The following CAPZA1 variants were observed in gnomAD, a reference collection of about 807,000 sequenced individuals.
CAPZA1 encodes capping actin protein of muscle Z-line subunit alpha 1, also known as F-actin-capping protein subunit alpha-1.
Under a neutral mutation model 40.8 loss-of-function variants are expected in CAPZA1, and 10 were observed. The observed-to-expected ratio is 0.25, with a 90% confidence interval of 0.15 to 0.42. The LOEUF (loss-of-function observed/expected upper bound fraction) is 0.42. Among genes scored for constraint, CAPZA1 ranks in the 10% least tolerant of loss-of-function variants. The pLI is 1.00. For synonymous variants in CAPZA1, 98 were observed against 115.0 expected, an observed-to-expected ratio of 0.85 and a Z score of 0.95; for missense variants, 277 against 353.8, an observed-to-expected ratio of 0.78 and a Z score of 1.74.
intron 1 of CAPZA1, among the ~76,000 whole-genome samples, chr1:112,643,896 T>C (rs1215441697): frequency 6.6e-6 from 1 of 150,634 alleles, no homozygotes; most frequent in Non-Finnish European, 1.5e-5. Context: ...CCAAGCTGGA[T>C]TGCAGTGGCG....
chr1:112,669,901 T>G, intron 9 of CAPZA1, 91 bp from the exon 10 acceptor site: 1 of 1,400,182 alleles, frequency 7.1e-7, no homozygotes, highest in Non-Finnish European at 1.0e-6. Flanking sequence ...CACAGGGGAC[T>G]CAAGCATATC....
intron 5 of CAPZA1, among the ~76,000 whole-genome samples, chr1:112,657,591 A>G (rs183173902): frequency 9.1e-4 from 137 of 151,148 alleles, no homozygotes; most frequent in African/African-American, 3.1e-3. Context: ...AGCAACCCCT[A>G]ATTCTTTTTT....
intron 1 of CAPZA1, among the ~76,000 whole-genome samples, chr1:112,625,146 C>CA (rs1455433066): frequency 6.6e-6 from 1 of 152,054 alleles, no homozygotes; most frequent in Non-Finnish European, 1.5e-5. Context: ...AGAGTATGTC[C>CA]ACAGTTTGGG....
At chr1:112,644,648 T>A (rs888275255) in intron 1 of CAPZA1, among the ~76,000 whole-genome samples, 1 of 152,194 alleles carries the variant, frequency 6.6e-6, no homozygotes, top group African/African-American at 2.4e-5. Flanking sequence ...AGATATACCA[T>A]GTTCTTCTTT....
chr1:112,663,491 T>A (rs1249120057), intron 7 of CAPZA1, among the ~76,000 whole-genome samples: 2 of 152,092 alleles, frequency 1.3e-5, no homozygotes, highest in African/African-American at 2.4e-5. Context: ...CACCCTTCTT[T>A]TCCATTGGAT....
chr1:112,643,249 A>G (rs763274858), intron 1 of CAPZA1, among the ~76,000 whole-genome samples: 1 of 152,354 alleles, frequency 6.6e-6, no homozygotes, highest in African/African-American at 2.4e-5. Flanking sequence ...TATGTAGCAT[A>G]ATTTTCATGA....
chr1:112,660,391 C>G (rs1381998407), intron 7 of CAPZA1, among the ~76,000 whole-genome samples: 1 of 152,196 alleles, frequency 6.6e-6, no homozygotes, highest in Non-Finnish European at 1.5e-5. Flanking sequence ...GGTGATTCTC[C>G]TGCCTCGGCC....
Position 112,664,315 on chromosome 1 carries a change from T to G in CAPZA1, c.586-2759T>G, listed in dbSNP as rs1279854951. Among the ~76,000 whole-genome samples the G allele has an allele frequency of 2.6e-5, 4 of 152,134 alleles. No individual in the cohort carries two copies. The East Asian group carries it at 7.7e-4, about 29-fold the overall frequency. On this transcript the variant is annotated intron_variant, in intron 7 of 9. Coordinates refer to ENST00000263168, the MANE Select transcript of CAPZA1 (RefSeq NM_006135.3). The stretch of plus-strand genomic sequence containing the variant: ...TTCTTGTTATCCAGGAAAGTCTTTT[T>G]GTTGCAAATAGCTTTCTGCCTAGAT...
chr1:112,665,459 C>T (rs1230251320), intron 7 of CAPZA1, among the ~76,000 whole-genome samples: 2 of 152,104 alleles, frequency 1.3e-5, no homozygotes, highest in Non-Finnish European at 1.5e-5. Flanking sequence ...GGATTACAGG[C>T]ATAAACCACC....
chr1:112,624,086 A>C (rs1670748367), intron 1 of CAPZA1, among the ~76,000 whole-genome samples: 1 of 151,984 alleles, frequency 6.6e-6, no homozygotes, highest in Non-Finnish European at 1.5e-5. Flanking sequence ...GTGCAAACTC[A>C]CATGTCCAGT....
chr1:112,647,000 G>A (rs923796655), intron 1 of CAPZA1, among the ~76,000 whole-genome samples: 4 of 152,052 alleles, frequency 2.6e-5, no homozygotes, highest in East Asian at 1.9e-4. Context: ...ATCAAAACAC[G>A]TATATTCCCA....
chr1:112,667,031 C>A (rs1462092758), intron 7 of CAPZA1, 43 bp from the exon 8 acceptor site: 1 of 1,413,768 alleles, frequency 7.1e-7, no homozygotes, highest in South Asian at 1.2e-5. Context: ...ACAGGTTTCT[C>A]TATGAACTTC....
intron 7 of CAPZA1, among the ~76,000 whole-genome samples, chr1:112,660,708 G>A (rs1671589991): frequency 6.6e-6 from 1 of 152,154 alleles, no homozygotes; most frequent in East Asian, 1.9e-4. Context: ...TAAACTCAGG[G>A]TGATTTAATA....
intron 1 of CAPZA1, among the ~76,000 whole-genome samples, chr1:112,623,252 A>G (rs1670721603): frequency 6.6e-6 from 1 of 152,230 alleles, no homozygotes; most frequent in African/African-American, 2.4e-5. Context: ...TTACCATTGT[A>G]GGATAAAGCA....
intron 1 of CAPZA1, among the ~76,000 whole-genome samples, chr1:112,641,289 A>G (rs934680288): frequency 2.0e-5 from 3 of 152,116 alleles, no homozygotes; most frequent in African/African-American, 7.2e-5. Context: ...TAGTAACATT[A>G]TATTTCTTAT....
At chr1:112,642,369 G>A (rs1054713103) in intron 1 of CAPZA1, among the ~76,000 whole-genome samples, 14 of 151,372 alleles carry the variant, frequency 9.2e-5, no homozygotes, top group African/African-American at 2.4e-4. Flanking sequence ...GCCTGCCACC[G>A]TGCCTGGCTA....
rs1553180448 is a variant in CAPZA1 at position 112,656,466 on chromosome 1, T to TTTTTTTTTTTTTTTTTC, written c.426+1795_426+1796insTTTTTTTTTTTTTTTTC. 5.4e-4 allele frequency among the ~76,000 whole-genome samples: 51 copies of TTTTTTTTTTTTTTTTTC among 94,402 alleles called. 11 individuals are homozygous for TTTTTTTTTTTTTTTTTC. The highest frequency in any genetic ancestry group is 2.7e-3 in the South Asian group (6 of 2,228). 61.9% of individuals were successfully genotyped at this position (94,402 alleles called of 152,430 possible). Reference sequence around the variant, plus strand: ...TTTTTTTTTTTTTTTTTTTTTTTTTTAATGAGAATACCCATTATGGTGGAC... The same window carrying TTTTTTTTTTTTTTTTTC: ...TTTTTTTTTTTTTTTTTTTTTTTTTTTTTTTTTTTTTTTTTTCAATGAGAATACCCATTATGGTGGAC... On this transcript the variant is annotated intron_variant, in intron 5 of 9. Transcript: ENST00000263168.
intron 1 of CAPZA1, chr1:112,634,774 T>C (rs1469683021): frequency 6.6e-6 from 1 of 152,204 alleles, no homozygotes; most frequent in East Asian, 1.9e-4. Context: ...CTAAAAGAGC[T>C]GTAACAACTC....
intron 1 of CAPZA1, among the ~76,000 whole-genome samples, chr1:112,643,548 A>C (rs1671221059): frequency 6.6e-6 from 1 of 152,198 alleles, no homozygotes; most frequent in Non-Finnish European, 1.5e-5. Flanking sequence ...GCTAAAAGAA[A>C]TTTTGCAGAT....
Sources: gnomAD v4.1 joint callset for allele counts (sites outside exome capture counted in the v4.1 genomes callset) on GRCh38, gnomAD v4.1.1 for gene constraint, MANE v1.5 for transcripts, NCBI Gene and HGNC (gene_info 2026-07-23, HGNC 2026-07-21) for gene names.